ARHGEF38: variants seen among roughly 807,000 people sequenced by gnomAD.
The protein encoded by ARHGEF38 is Rho guanine nucleotide exchange factor 38.
Under a neutral mutation model 79.9 loss-of-function variants are expected in ARHGEF38, and 79 were observed. The ratio of observed to expected loss-of-function variants is 0.99; its 90% confidence interval spans 0.82 to 1.19. The LOEUF (loss-of-function observed/expected upper bound fraction) is 1.19, where lower values mean the gene tolerates loss of function less well. Ranked by LOEUF, ARHGEF38 falls within the 50% of genes most tolerant of loss-of-function variation. The pLI, the probability that ARHGEF38 is intolerant of heterozygous loss-of-function variation, is 0.00. For synonymous variants in ARHGEF38, 366 were observed against 328.3 expected (o/e 1.11, Z -1.24); for missense variants, 962 against 907.2 (o/e 1.06, Z -0.78).
intron 9 of ARHGEF38, among the ~76,000 whole-genome samples, chr4:105,657,668 C>T (rs1730394365): frequency 2.0e-5 from 3 of 152,042 alleles, no homozygotes; most frequent in Non-Finnish European, 1.5e-5. Context: ...TAATTTATCC[C>T]AGATACAGTA....
At chr4:105,646,869 A>G (rs910828943) in intron 6 of ARHGEF38, among the ~76,000 whole-genome samples, 3 of 152,166 alleles carry the variant, frequency 2.0e-5, no homozygotes, top group Non-Finnish European at 2.9e-5. Context: ...TGGTAGAAGA[A>G]TATGTGCAAT....
Position 105,631,017 on chromosome 4 carries a change from C to T in ARHGEF38, c.628C>T (p.His210Tyr), listed in dbSNP as rs369856984. The T allele has an allele frequency of 3.3e-5, 53 of 1,613,512 alleles. No homozygotes were observed. The highest frequency in any genetic ancestry group is 2.9e-4 in the East Asian group (13 of 44,832). The change falls in exon 4 of 14, where the codon CAT becomes TAT. Residue 210 changes from histidine (H) to tyrosine (Y), a missense_variant. By Grantham distance (83) the His-to-Tyr change is moderately conservative. Coordinates refer to ENST00000420470, the MANE Select transcript of ARHGEF38 (RefSeq NM_001242729.2). ...SYEKEEELKEHLSHCIQSLKK... is the reference protein window; with the variant it reads ...SYEKEEELKEYLSHCIQSLKK... ...TGAAAAGGAAGAAGAGCTGAAGGAACATTTGAGCCACTGTATCCAGTCCTT... is the reference window on the plus strand; with the variant it reads ...TGAAAAGGAAGAAGAGCTGAAGGAATATTTGAGCCACTGTATCCAGTCCTT...
chr4:105,635,839 A>ATAGG (rs1176329286), intron 4 of ARHGEF38, among the ~76,000 whole-genome samples: 1 of 152,088 alleles, frequency 6.6e-6, no homozygotes, highest in Non-Finnish European at 1.5e-5. Context: ...TTCCCATCTA[A>ATAGG]TAGGTCTTAG....
chr4:105,649,387 G>A (rs2110547551), intron 7 of ARHGEF38, among the ~76,000 whole-genome samples: 1 of 152,148 alleles, frequency 6.6e-6, no homozygotes, highest in South Asian at 2.1e-4. Flanking sequence ...TTGCCTCAAG[G>A]GTACAATCTA....
At chr4:105,659,881 G>GTGTGTGTGT (rs1362550003) in intron 10 of ARHGEF38, among the ~76,000 whole-genome samples, 4 of 149,680 alleles carry the variant, frequency 2.7e-5, no homozygotes, top group African/African-American at 1.0e-4. Context: ...GTGTGTGTGT[G>GTGTGTGTGT]TGTGTGTAGC....
intron 1 of ARHGEF38, chr4:105,569,962 T>C (rs1560691209): frequency 6.6e-6 from 1 of 152,220 alleles, no homozygotes; most frequent in Non-Finnish European, 1.5e-5. Flanking sequence ...GTGGGTGTCA[T>C]TGCCAGAACT....
At chr4:105,609,487 T>G (rs1728192695) in intron 2 of ARHGEF38, among the ~76,000 whole-genome samples, 1 of 152,112 alleles carries the variant, frequency 6.6e-6, no homozygotes, top group Non-Finnish European at 1.5e-5. Flanking sequence ...ATATCTGGTG[T>G]TAATGGATTG....
rs116884814 is a variant in ARHGEF38 at position 105,583,136 on chromosome 4, C to T, written c.197-6112C>T. ...CTGCCTTATATTTGTTTTTCTCTTT[C>T]GGTTTTCTCCTTTCTTCATTTGAAC... On this transcript the variant is annotated intron_variant, in intron 1 of 13. Transcript: ENST00000420470. 8.3e-4 allele frequency among the ~76,000 whole-genome samples: 127 copies of T among 152,160 alleles called. 1 individual carries two copies. Among genetic ancestry groups the T allele is most frequent in the East Asian group, 6.8e-3 (35 of 5,180 alleles).
chr4:105,657,051 T>TAGATA (rs1553948602), intron 9 of ARHGEF38, among the ~76,000 whole-genome samples: 57 of 151,194 alleles, frequency 3.8e-4, no homozygotes, highest in African/African-American at 1.3e-3. Context: ...GATAGATAGA[T>TAGATA]GATAGATAGA....
In ARHGEF38 at chr4:105,677,799, C is replaced by A; in HGVS notation, c.2196C>A (p.Leu732=). ...TTCAAGCACGGAGTGACCATGAACT[C>A]AGCCTTCAGGAATACCAGAGAGTTC... The part of the protein sequence containing the change: ...HAFQARSDHE[L]SLQEYQRVHI... The change falls in exon 14 of 14, where the codon CTC becomes CTA. Residue 732 remains leucine (L), a synonymous_variant. Transcript: ENST00000420470. The A allele has an allele frequency of 6.5e-7, 1 of 1,531,926 alleles. No homozygotes were observed. The allele number at this position is 1,531,926 out of a possible 1,614,324, so 94.9% of individuals were successfully genotyped here. A position where few individuals can be genotyped will look rare whatever the true frequency, so the allele number is the denominator to read the frequency against.
In ARHGEF38 at chr4:105,659,041, T is replaced by C. The variant is rs1159144691; in HGVS notation, c.1234-13T>C. On this transcript the variant is annotated splice_polypyrimidine_tract_variant and intron_variant, in intron 9 of 13. Coordinates refer to ENST00000420470, the MANE Select transcript of ARHGEF38 (RefSeq NM_001242729.2). ...TCCTCTCTCTGAAATGGGCTCATTTTTTCTTTTGGCAGGCATCTCACTTAC... is the reference window on the plus strand; with the variant it reads ...TCCTCTCTCTGAAATGGGCTCATTTCTTCTTTTGGCAGGCATCTCACTTAC... The C allele has an allele frequency of 8.5e-6, 13 of 1,523,440 alleles. No individual in the cohort carries two copies. Among genetic ancestry groups the C allele is most frequent in the Admixed American group, 2.0e-5 (1 of 49,962 alleles). 94.4% of individuals were successfully genotyped at this position (1,523,440 alleles called of 1,614,324 possible).
chr4:105,617,924 A>G (rs577667132), intron 3 of ARHGEF38, among the ~76,000 whole-genome samples: 5 of 152,320 alleles, frequency 3.3e-5, no homozygotes, highest in African/African-American at 1.2e-4. Flanking sequence ...ATAAAGTAAT[A>G]TTCTGTACCA....
chr4:105,555,055 TA>T (rs1725189284), intron 1 of ARHGEF38, among the ~76,000 whole-genome samples: 3 of 152,166 alleles, frequency 2.0e-5, no homozygotes, highest in Admixed American at 6.6e-5. Context: ...TAAATTTTCC[TA>T]AAAAAATAAG....
intron 2 of ARHGEF38, among the ~76,000 whole-genome samples, chr4:105,612,467 G>C (rs1272435372): frequency 6.6e-6 from 1 of 152,048 alleles, no homozygotes; most frequent in African/African-American, 2.4e-5. Flanking sequence ...CTCATTCACA[G>C]TAAGTCATGA....
intron 9 of ARHGEF38, among the ~76,000 whole-genome samples, chr4:105,657,370 T>G (rs901517030): frequency 6.6e-6 from 1 of 152,158 alleles, no homozygotes; most frequent in Non-Finnish European, 1.5e-5. Flanking sequence ...GTGAGAAGGC[T>G]CAATATAAAA....
intron 5 of ARHGEF38, among the ~76,000 whole-genome samples, chr4:105,638,704 AT>A (rs1431752450): frequency 1.0e-4 from 15 of 148,080 alleles, no homozygotes; most frequent in African/African-American, 3.9e-4. Flanking sequence ...TAGGAACACT[AT>A]ACGTTTCTTG....
intron 3 of ARHGEF38, among the ~76,000 whole-genome samples, chr4:105,623,527 C>G (rs1728823886): frequency 2.0e-5 from 3 of 151,762 alleles, no homozygotes; most frequent in Non-Finnish European, 4.4e-5. Context: ...TTTCCTGATC[C>G]AGCCAGCAAA....
At chr4:105,660,813 T>C (rs2110566812) in intron 10 of ARHGEF38, among the ~76,000 whole-genome samples, 1 of 152,308 alleles carries the variant, frequency 6.6e-6, no homozygotes, top group Middle Eastern at 3.4e-3. Flanking sequence ...AACCATTCCC[T>C]TTTTTTAAAA....
intron 2 of ARHGEF38, among the ~76,000 whole-genome samples, chr4:105,602,806 G>A (rs1727881412): frequency 6.6e-6 from 1 of 152,056 alleles, no homozygotes; most frequent in African/African-American, 2.4e-5. Flanking sequence ...TTGGATTTTT[G>A]ACAAAGGTAG....
Sources: gnomAD v4.1 joint callset for allele counts (sites outside exome capture counted in the v4.1 genomes callset) on GRCh38, gnomAD v4.1.1 for gene constraint, MANE v1.5 for transcripts, NCBI Gene and HGNC (gene_info 2026-07-23, HGNC 2026-07-21) for gene names.